Variants in SLC35E3 observed in about 807,000 individuals in gnomAD.
SLC35E3 encodes solute carrier family 35 member E3.
A neutral mutation model predicts 30.8 loss-of-function variants in SLC35E3; 28 were observed. The ratio of observed to expected loss-of-function variants is 0.91; its 90% confidence interval spans 0.67 to 1.25. The LOEUF is 1.25. Ranked by LOEUF, SLC35E3 falls within the 50% of genes most tolerant of loss-of-function variation. The pLI, the probability that SLC35E3 is intolerant of heterozygous loss-of-function variation, is 0.00. For missense variants in SLC35E3, 365 were observed against 375.4 expected (o/e 0.97, Z 0.23); for synonymous variants, 146 against 149.2 (o/e 0.98, Z 0.16).
intron 3 of SLC35E3, among the ~76,000 whole-genome samples, chr12:68,754,448 T>C (rs1878926870): frequency 6.6e-6 from 1 of 152,018 alleles, no homozygotes; most frequent in Non-Finnish European, 1.5e-5. Flanking sequence ...CATGCCTGGC[T>C]AATTTTTTTG....
At chr12:68,746,971 A>G (rs1024003337) in intron 1 of SLC35E3, among the ~76,000 whole-genome samples, 192 bp downstream of exon 1, 4 of 152,246 alleles carry the variant, frequency 2.6e-5, no homozygotes, top group African/African-American at 9.6e-5. Flanking sequence ...AAGAGTGGGC[A>G]TGTGTGAATT....
intron 4 of SLC35E3, among the ~76,000 whole-genome samples, chr12:68,763,385 C>G (rs151182390): frequency 0.019 from 2,852 of 149,710 alleles, 92 homozygotes; most frequent in African/African-American, 0.066. Context: ...GTGTGTGTGT[C>G]TGTGTCTGTG....
At chr12:68,758,840 C>T (rs1879132007) in intron 3 of SLC35E3, among the ~76,000 whole-genome samples, 1 of 131,390 alleles carries the variant, frequency 7.6e-6, no homozygotes, top group African/African-American at 2.8e-5. Flanking sequence ...CTTCCAGGTT[C>T]ATGCCATTCT....
chr12:68,773,601 GC>G lies in SLC35E3; in HGVS notation c.*8712del, dbSNP rs1312350171. The G allele has an allele frequency of 6.6e-6, 1 of 151,932 alleles. No homozygotes were observed. The allele number at this position is 151,932 out of a possible 1,614,324, so 9.4% of individuals were successfully genotyped here. ...TTATTTTTTGTAGAGACGGGGTCTT[GC>G]TATGTTGCCAGGCTGGTCTCCAACT... On this transcript the variant is annotated 3_prime_UTR_variant, in exon 5 of 5. Transcript: ENST00000398004.
In SLC35E3 at chr12:68,766,535, G is replaced by A; in HGVS notation, c.*1645G>A. On this transcript the variant is annotated 3_prime_UTR_variant, in exon 5 of 5. Coordinates refer to ENST00000398004, the MANE Select transcript of SLC35E3 (RefSeq NM_018656.5). ...CTATGTTTAAATGGCTCAAAGAAAAGACTATAAATGGAATTGAACATGTTT... is the reference window on the plus strand; with the variant it reads ...CTATGTTTAAATGGCTCAAAGAAAAAACTATAAATGGAATTGAACATGTTT... The A allele has an allele frequency of 2.2e-5, 4 of 182,768 alleles. No homozygotes were observed. Among genetic ancestry groups the A allele is most frequent in the South Asian group, 1.5e-4 (2 of 13,602 alleles). The allele number at this position is 182,768 out of a possible 1,614,324, so 11.3% of individuals were successfully genotyped here. A position where few individuals can be genotyped will look rare whatever the true frequency, so the allele number is the denominator to read the frequency against.
chr12:68,753,860 C>A (rs1325334255), intron 3 of SLC35E3, among the ~76,000 whole-genome samples: 3 of 149,930 alleles, frequency 2.0e-5, no homozygotes, highest in Admixed American at 6.7e-5. Flanking sequence ...TATTTCTTTT[C>A]TTTTTTTTGA....
At position 68,761,985 on chromosome 12, in the gene SLC35E3, G is replaced by C. The variant is rs145702749; in HGVS notation, c.756-2719G>C. ...TTTTGTTGTTGTTGTTTTTGAGACA[G>C]GGTCTTGCTCTGTCACCCAGGCTGG... On this transcript the variant is annotated intron_variant, in intron 4 of 4. Transcript: ENST00000398004. Among the ~76,000 whole-genome samples the C allele has an allele frequency of 5.2e-3, 796 of 152,128 alleles. 7 individuals are homozygous for C. The highest frequency in any genetic ancestry group is 0.018 in the African/African-American group (762 of 41,520).
In SLC35E3 at chr12:68,780,958, CAG is replaced by C. The variant is rs1419622555; in HGVS notation, c.*16071_*16072del. 2.6e-5 allele frequency: 4 copies of C among 152,144 alleles called. No individual in the cohort carries two copies. The highest frequency in any genetic ancestry group is 4.4e-5 in the Non-Finnish European group (3 of 68,052). The allele number at this position is 152,144 out of a possible 1,614,324, so 9.4% of individuals were successfully genotyped here. A position where few individuals can be genotyped will look rare whatever the true frequency, so the allele number is the denominator to read the frequency against. ...TTTCCTCCAACGCCTGCCTTTTAGA[CAG>C]AGTGTTGATTCACAGGGAACAGAGG... On this transcript the variant is annotated 3_prime_UTR_variant, in exon 5 of 5. Coordinates refer to ENST00000398004, the MANE Select transcript of SLC35E3 (RefSeq NM_018656.5).
Position 68,766,486 on chromosome 12 carries a change from C to CAAA in SLC35E3, c.*1612_*1614dup, listed in dbSNP as rs57012731. 13 of 83,594 alleles carry CAAA rather than the reference C, an allele frequency of 1.6e-4. No homozygotes were observed. Among genetic ancestry groups the CAAA allele is most frequent in the Non-Finnish European group, 2.1e-4 (8 of 37,402 alleles). The allele number at this position is 83,594 out of a possible 1,614,324, so 5.2% of individuals were successfully genotyped here. On this transcript the variant is annotated 3_prime_UTR_variant, in exon 5 of 5. Coordinates refer to ENST00000398004, the MANE Select transcript of SLC35E3 (RefSeq NM_018656.5). ...GGGCAACAAGAGTGAAACTCCATCT[C>CAAA]AAAAAAAAAAAAAAAAAATAGCCCT...
chr12:68,777,956 A>T lies in SLC35E3; in HGVS notation c.*13066A>T, dbSNP rs1879787893. On this transcript the variant is annotated 3_prime_UTR_variant, in exon 5 of 5. Coordinates refer to ENST00000398004, the MANE Select transcript of SLC35E3 (RefSeq NM_018656.5). The stretch of plus-strand genomic sequence containing the variant: ...AACATGGTGAATCCCCGTCTCTATA[A>T]AAAGTACAAAAATTAGCCAGGTATG... 6.6e-6 allele frequency: 1 copy of T among 152,124 alleles called. No individual in the cohort carries two copies. The highest frequency in any genetic ancestry group is 1.5e-5 in the Non-Finnish European group (1 of 68,046). 9.4% of individuals were successfully genotyped at this position (152,124 alleles called of 1,614,324 possible).
chr12:68,752,104 T>A lies in SLC35E3; in HGVS notation c.586T>A (p.Ser196Thr). ...GCTGTACTACCAGGCTCCGATGTCA[T>A]CTGCCATGTTGCTGGTTGCTGTGCC... The part of the protein sequence containing the change: ...QLLYYQAPMS[S>T]AMLLVAVPFF... Residue 196 changes from serine to threonine, a missense_variant, in exon 3 of 5, where the codon TCT becomes ACT. Ser to Thr is a moderately conservative substitution (Grantham distance 58). Transcript: ENST00000398004. The A allele has an allele frequency of 2.5e-6, 4 of 1,614,028 alleles. No homozygotes were observed. The highest frequency in any genetic ancestry group is 3.4e-6 in the Non-Finnish European group (4 of 1,180,000).
At position 68,746,501 on chromosome 12, in the gene SLC35E3, C is replaced by T; in HGVS notation, c.124C>T (p.Pro42Ser). The T allele has an allele frequency of 6.2e-7, 1 of 1,614,212 alleles. No individual in the cohort carries two copies. The highest frequency in any genetic ancestry group is 1.7e-5 in the Admixed American group (1 of 60,036). Reference sequence around the variant, plus strand: ...ATGGATTTATGTGTACCACGGCTTCCCCAACATGAGCCTGACCCTGGTGCA... The same window carrying T: ...ATGGATTTATGTGTACCACGGCTTCTCCAACATGAGCCTGACCCTGGTGCA... ...NKWIYVYHGFPNMSLTLVHFV... is the reference protein window; with the variant it reads ...NKWIYVYHGFSNMSLTLVHFV... Residue 42 changes from proline (P) to serine (S), a missense_variant, in exon 1 of 5, where the codon CCC becomes TCC. Coordinates refer to ENST00000398004, the MANE Select transcript of SLC35E3 (RefSeq NM_018656.5).
intron 3 of SLC35E3, among the ~76,000 whole-genome samples, chr12:68,753,652 A>AT (rs1878889005): frequency 6.6e-6 from 1 of 151,874 alleles, no homozygotes; most frequent in Non-Finnish European, 1.5e-5. Context: ...TTTATTGCAG[A>AT]TTCCTTTTCC....
In SLC35E3 at chr12:68,767,589, G is replaced by A. The variant is rs967574858; in HGVS notation, c.*2699G>A. The A allele has an allele frequency of 4.0e-5, 6 of 149,484 alleles. No individual in the cohort carries two copies. The highest frequency in any genetic ancestry group is 1.2e-4 in the African/African-American group (5 of 40,748). The allele number at this position is 149,484 out of a possible 1,614,324, so 9.3% of individuals were successfully genotyped here. On this transcript the variant is annotated 3_prime_UTR_variant, in exon 5 of 5. Transcript: ENST00000398004. ...GATAAGACAGTAAATTTTATGTTTT[G>A]TGTTTTTTAACACAATAAAAATATA...
rs2136083350 is a variant in SLC35E3, at chr12:68,768,986, A to T, written c.*4096A>T. 6.6e-6 allele frequency: 1 copy of T among 152,380 alleles called. No homozygotes were observed. Among genetic ancestry groups the T allele is most frequent in the East Asian group, 1.9e-4 (1 of 5,192 alleles). 9.4% of individuals were successfully genotyped at this position (152,380 alleles called of 1,614,324 possible). On this transcript the variant is annotated 3_prime_UTR_variant, in exon 5 of 5. Coordinates refer to ENST00000398004, the MANE Select transcript of SLC35E3 (RefSeq NM_018656.5). The stretch of plus-strand genomic sequence containing the variant: ...GTTGGGTATGGTGGCTCACGCCTGT[A>T]ATCCCAGCACTTTGGGAAGCTGAGG...
chr12:68,768,759 G>C lies in SLC35E3; in HGVS notation c.*3869G>C, dbSNP rs1879525302. The C allele has an allele frequency of 6.6e-6, 1 of 152,212 alleles. No homozygotes were observed. Among genetic ancestry groups the C allele is most frequent in the African/African-American group, 2.4e-5 (1 of 41,458 alleles). 9.4% of individuals were successfully genotyped at this position (152,212 alleles called of 1,614,324 possible). On this transcript the variant is annotated 3_prime_UTR_variant, in exon 5 of 5. Coordinates refer to ENST00000398004, the MANE Select transcript of SLC35E3 (RefSeq NM_018656.5). ...CATGGTAACGCTGACGTGTTCAGCT[G>C]TTCATATTTGGCCTGTCCAAATAAG...
intron 3 of SLC35E3, among the ~76,000 whole-genome samples, chr12:68,754,747 G>A (rs1189915642): frequency 2.0e-5 from 3 of 152,034 alleles, no homozygotes; most frequent in Non-Finnish European, 4.4e-5. Context: ...CAAATCAAGG[G>A]CATATGTATT....
rs1021774915 is a variant in SLC35E3 at position 68,769,082 on chromosome 12, A to G, written c.*4192A>G. On this transcript the variant is annotated 3_prime_UTR_variant, in exon 5 of 5. Transcript: ENST00000398004. ...TATGGTGAAACCTTGTCTCTACTAAAAATACAAAAATTAGCCAGGTGTGGT... is the reference window on the plus strand; with the variant it reads ...TATGGTGAAACCTTGTCTCTACTAAGAATACAAAAATTAGCCAGGTGTGGT... 3.3e-5 allele frequency: 5 copies of G among 151,486 alleles called. No homozygotes were observed. Among genetic ancestry groups the G allele is most frequent in the African/African-American group, 1.2e-4 (5 of 41,160 alleles). The allele number at this position is 151,486 out of a possible 1,614,324, so 9.4% of individuals were successfully genotyped here. A position where few individuals can be genotyped will look rare whatever the true frequency, so the allele number is the denominator to read the frequency against.
In SLC35E3 at chr12:68,748,060, T is replaced by C. The variant is rs1592532892; in HGVS notation, c.513+20T>C. 1 of 1,336,650 alleles carries C rather than the reference T, an allele frequency of 7.5e-7. No homozygotes were observed. Among genetic ancestry groups the C allele is most frequent in the Non-Finnish European group, 1.1e-6 (1 of 933,552 alleles). 82.8% of individuals were successfully genotyped at this position (1,336,650 alleles called of 1,614,324 possible). Reference sequence around the variant, plus strand: ...CAAGTGGTTGGTAATTTTTTTTTCTTTATGTGCCTTTTTAGCAGATTTCAT... The same window carrying C: ...CAAGTGGTTGGTAATTTTTTTTTCTCTATGTGCCTTTTTAGCAGATTTCAT... On this transcript the variant is annotated intron_variant, in intron 2 of 4. Transcript: ENST00000398004.
Sources: gnomAD v4.1 joint callset for allele counts (sites outside exome capture counted in the v4.1 genomes callset) on GRCh38, gnomAD v4.1.1 for gene constraint, MANE v1.5 for transcripts, NCBI Gene and HGNC (gene_info 2026-07-23, HGNC 2026-07-21) for gene names.